Variants in CACNG2 observed in about 807,000 individuals in gnomAD.
The protein encoded by CACNG2 is calcium voltage-gated channel auxiliary subunit gamma 2, also known as voltage-dependent calcium channel gamma-2 subunit.
In CACNG2, 3 loss-of-function variants were observed where a neutral mutation model predicts 25.9. The observed-to-expected ratio is 0.12, with a 90% CI of 0.05 to 0.30. The LOEUF (loss-of-function observed/expected upper bound fraction) is 0.30. Among genes scored for constraint, CACNG2 ranks in the 10% least tolerant of loss-of-function variants. The pLI, the probability that CACNG2 is intolerant of heterozygous loss-of-function variation, is 1.00. For missense variants in CACNG2, 341 were observed against 432.5 expected (o/e 0.79, Z 1.88); for synonymous variants, 167 against 173.3 (o/e 0.96, Z 0.29).
intron 2 of CACNG2, among the ~76,000 whole-genome samples, chr22:36,571,642 C>A (rs1018116298): frequency 8.6e-5 from 13 of 151,522 alleles, no homozygotes; most frequent in Non-Finnish European, 1.8e-4. Flanking sequence ...TTTGGGAGGC[C>A]GAGGCTGGTG....
chr22:36,671,607 G>A (rs777139330), intron 1 of CACNG2, among the ~76,000 whole-genome samples: 7 of 152,136 alleles, frequency 4.6e-5, no homozygotes, highest in East Asian at 1.9e-4. Flanking sequence ...GCACTGAATC[G>A]CCAACAAACA....
intron 2 of CACNG2, among the ~76,000 whole-genome samples, chr22:36,568,403 T>C (rs564859583): frequency 5.0e-4 from 76 of 152,088 alleles, no homozygotes; most frequent in Non-Finnish European, 9.4e-4. Context: ...TTTTAAAATT[T>C]ATTTTTATTT....
At chr22:36,645,056 A>G (rs1936497861) in intron 1 of CACNG2, among the ~76,000 whole-genome samples, 1 of 152,172 alleles carries the variant, frequency 6.6e-6, no homozygotes, top group African/African-American at 2.4e-5. Flanking sequence ...TCAGAATTCT[A>G]AGTCCTTCAT....
chr22:36,663,565 C>T (rs1936830490), intron 1 of CACNG2, among the ~76,000 whole-genome samples: 1 of 152,132 alleles, frequency 6.6e-6, no homozygotes, highest in Non-Finnish European at 1.5e-5. Context: ...CGACTCTTTC[C>T]CTTTGACATG....
intron 1 of CACNG2, among the ~76,000 whole-genome samples, chr22:36,600,836 C>T (rs768757580): frequency 6.6e-6 from 1 of 152,212 alleles, no homozygotes; most frequent in African/African-American, 2.4e-5. Flanking sequence ...CATGAACCAC[C>T]GCTCCCGGCC....
At chr22:36,594,899 T>A (rs1047319670) in intron 1 of CACNG2, among the ~76,000 whole-genome samples, 1 of 150,740 alleles carries the variant, frequency 6.6e-6, no homozygotes, top group Non-Finnish European at 1.5e-5. Context: ...TGTACATGGG[T>A]GTGTGTGTGC....
At chr22:36,631,797 A>C (rs1206045423) in intron 1 of CACNG2, among the ~76,000 whole-genome samples, 5 of 150,906 alleles carry the variant, frequency 3.3e-5, no homozygotes, top group African/African-American at 1.2e-4. Context: ...CCTGCAACTC[A>C]AAGCATCTCA....
chr22:36,623,593 C>A (rs1170721470), intron 1 of CACNG2, among the ~76,000 whole-genome samples: 1 of 152,072 alleles, frequency 6.6e-6, no homozygotes, highest in Non-Finnish European at 1.5e-5. Context: ...CCAGAGTCTG[C>A]CCCCGGTGAC....
rs535806317 is a variant in CACNG2, at chr22:36,629,595, A to G, written c.212-42047T>C. ...AGAGAGAGATGATCAGCAGACCTGA[A>G]CTTGAAGGACATGAAGGAGTTAGGC... On this transcript the variant is annotated intron_variant, in intron 1 of 3. Transcript: ENST00000300105. Among the ~76,000 whole-genome samples the G allele has an allele frequency of 1.5e-3, 227 of 152,022 alleles. 2 individuals are homozygous for G. The highest frequency in any genetic ancestry group is 6.8e-3 in the Middle Eastern group (2 of 294).
At chr22:36,678,649 C>T (rs149056900) in intron 1 of CACNG2, among the ~76,000 whole-genome samples, 24 of 150,704 alleles carry the variant, frequency 1.6e-4, no homozygotes, top group Admixed American at 3.3e-4. Flanking sequence ...TCCCACACTA[C>T]GGATATGACC....
chr22:36,632,884 C>T (rs1569035667), intron 1 of CACNG2, among the ~76,000 whole-genome samples: 1 of 152,112 alleles, frequency 6.6e-6, no homozygotes, highest in Admixed American at 6.5e-5. Flanking sequence ...AGCCCAGCAT[C>T]CTTTTCCTGG....
intron 1 of CACNG2, among the ~76,000 whole-genome samples, chr22:36,673,308 C>G (rs141888785): frequency 2.0e-5 from 3 of 152,058 alleles, no homozygotes; most frequent in African/African-American, 7.2e-5. Flanking sequence ...GGAAATGGGT[C>G]CAGCAAAAGA....
At chr22:36,577,080 C>G (rs1458661724) in intron 2 of CACNG2, among the ~76,000 whole-genome samples, 1 of 152,120 alleles carries the variant, frequency 6.6e-6, no homozygotes, top group Non-Finnish European at 1.5e-5. Context: ...ACCTGGTCCC[C>G]CGGGGGCCTC....
chr22:36,658,545 A>G (rs1348680233), intron 1 of CACNG2, among the ~76,000 whole-genome samples: 1 of 152,214 alleles, frequency 6.6e-6, no homozygotes, highest in Non-Finnish European at 1.5e-5. Context: ...ATAATTTACT[A>G]TCTCAGGGCT....
intron 1 of CACNG2, among the ~76,000 whole-genome samples, chr22:36,641,590 T>G (rs1387370167): frequency 6.6e-6 from 1 of 152,252 alleles, no homozygotes; most frequent in Admixed American, 6.5e-5. Context: ...CCAGGGGCCC[T>G]GTAGACAAAC....
rs1283950637 is a variant in CACNG2, at chr22:36,562,242, C to T, written c.*2109G>A. On this transcript the variant is annotated 3_prime_UTR_variant, in exon 4 of 4. Transcript: ENST00000300105. The stretch of plus-strand genomic sequence containing the variant: ...TCTGAGAGGCTGACTGATGATGAGC[C>T]TGGGGGCTTGGTGGCAGCTGTCCTG... 2 of 147,850 alleles carry T rather than the reference C, an allele frequency of 1.4e-5. No homozygotes were observed. The allele number at this position is 147,850 out of a possible 1,614,324, so 9.2% of individuals were successfully genotyped here.
chr22:36,642,706 A>G (rs1936457603), intron 1 of CACNG2, among the ~76,000 whole-genome samples: 1 of 152,230 alleles, frequency 6.6e-6, no homozygotes, highest in South Asian at 2.1e-4. Context: ...AAGACAGACT[A>G]CACTGTGAGA....
intron 1 of CACNG2, among the ~76,000 whole-genome samples, chr22:36,635,053 G>A (rs1183837186): frequency 6.6e-6 from 1 of 152,164 alleles, no homozygotes; most frequent in African/African-American, 2.4e-5. Context: ...GGAGGCCGAG[G>A]TGGGTGGATC....
chr22:36,668,817 C>T (rs992083018), intron 1 of CACNG2, among the ~76,000 whole-genome samples: 18 of 152,106 alleles, frequency 1.2e-4, no homozygotes, highest in Non-Finnish European at 2.9e-5. Context: ...GTAAGTCTTG[C>T]TCTGAGTCCA....
Sources: gnomAD v4.1 joint callset for allele counts (sites outside exome capture counted in the v4.1 genomes callset) on GRCh38, gnomAD v4.1.1 for gene constraint, MANE v1.5 for transcripts, NCBI Gene and HGNC (gene_info 2026-07-23, HGNC 2026-07-21) for gene names.